SAMD4B: variants seen among roughly 807,000 people sequenced by gnomAD.
SAMD4B encodes protein Smaug homolog 2.
Under a neutral mutation model 74.5 loss-of-function variants are expected in SAMD4B, and 5 were observed. The ratio of observed to expected loss-of-function variants is 0.07; its 90% CI spans 0.04 to 0.14. The LOEUF (loss-of-function observed/expected upper bound fraction) is 0.14. SAMD4B is among the 10% of genes least tolerant of loss of function. SAMD4B has a pLI of 1.00. For missense variants in SAMD4B, 608 were observed against 921.8 expected (o/e 0.66, Z 4.41); for synonymous variants, 373 against 374.9 (o/e 1.00, Z 0.06).
At chr19:39,366,301 G>T (rs1294952513) in intron 3 of SAMD4B, among the ~76,000 whole-genome samples, 3 of 151,956 alleles carry the variant, frequency 2.0e-5, no homozygotes, top group Non-Finnish European at 4.4e-5. Context: ...GGGCAACAAA[G>T]TGAGACTCCA....
At chr19:39,365,305 G>T (rs1367818590) in intron 3 of SAMD4B, among the ~76,000 whole-genome samples, 1 of 151,126 alleles carries the variant, frequency 6.6e-6, no homozygotes, top group Non-Finnish European at 1.5e-5. Flanking sequence ...TGCAATCCCA[G>T]CACTTTGGGA....
intron 12 of SAMD4B, 194 bp downstream of exon 12, chr19:39,381,307 T>C (rs763467788): frequency 2.2e-5 from 13 of 600,090 alleles, no homozygotes; most frequent in Non-Finnish European, 3.6e-5. Flanking sequence ...ATCTCTCAGG[T>C]CTTGCCCCCA....
chr19:39,362,746 G>A (rs538457012), intron 3 of SAMD4B, among the ~76,000 whole-genome samples: 1 of 152,196 alleles, frequency 6.6e-6, no homozygotes, highest in South Asian at 2.1e-4. Flanking sequence ...TCCCTCCACT[G>A]TCCTGTAGCT....
chr19:39,353,154 G>A (rs2076148161), intron 1 of SAMD4B, among the ~76,000 whole-genome samples: 1 of 152,142 alleles, frequency 6.6e-6, no homozygotes, highest in South Asian at 2.1e-4. Flanking sequence ...TGCTGGAGCT[G>A]GGAAGGAAAA....
downstream of SAMD4B, chr19:39,389,758 G>A (rs2078332585): frequency 1.2e-6 from 2 of 1,614,092 alleles, no homozygotes; most frequent in Non-Finnish European, 1.7e-6. This position sits in a 1 kb window ranked among gnomAD's most constrained non-coding sequence, Gnocchi z 5.3. Context: ...TGTACTGGAC[G>A]AACCTGGGTG....
intron 9 of SAMD4B, among the ~76,000 whole-genome samples, chr19:39,379,637 C>T (rs1231160344): frequency 6.6e-6 from 1 of 152,292 alleles, no homozygotes; most frequent in African/African-American, 2.4e-5. Context: ...ATGGCGCAGT[C>T]TCGGCTCACT....
intron 1 of SAMD4B, among the ~76,000 whole-genome samples, chr19:39,348,840 A>C (rs1358923544): frequency 6.6e-6 from 1 of 152,170 alleles, no homozygotes; most frequent in Non-Finnish European, 1.5e-5. Context: ...AAGCAGATAT[A>C]TTTTGGGTGT....
At chr19:39,376,283 G>A (rs149525860) in intron 5 of SAMD4B, among the ~76,000 whole-genome samples, 154 bp from the exon 6 acceptor site, 1 of 152,312 alleles carries the variant, frequency 6.6e-6, no homozygotes, top group African/African-American at 2.4e-5. Context: ...CTAGGCAGAT[G>A]AAGAAGGAGC....
At chr19:39,353,063 A>G (rs772550582) in intron 1 of SAMD4B, among the ~76,000 whole-genome samples, 10 of 152,156 alleles carry the variant, frequency 6.6e-5, no homozygotes, top group Middle Eastern at 3.2e-3. Context: ...AGCCAGTTCC[A>G]TTCTTGGACA....
chr19:39,385,742 C>T, downstream of SAMD4B: 1 of 580,880 alleles, frequency 1.7e-6, no homozygotes, highest in Non-Finnish European at 3.0e-6. Flanking sequence ...AAACCATTGG[C>T]CCTGCCTCTG....
At chr19:39,348,961 T>G (rs192813042) in intron 1 of SAMD4B, among the ~76,000 whole-genome samples, 1 of 152,332 alleles carries the variant, frequency 6.6e-6, no homozygotes, top group African/African-American at 2.4e-5. Flanking sequence ...ACTATTATTA[T>G]TTTCTGTCTT....
chr19:39,385,520 A>G lies in SAMD4B; in HGVS notation c.*1993A>G. On this transcript the variant is annotated 3_prime_UTR_variant, in exon 14 of 14. Transcript: ENST00000610417. ...CCTCTCCCGCTCCAGCCCCCTCCCC[A>G]GGCCCTCCTCCATGATTTCACCCTC... is the stretch of plus-strand genomic sequence containing the variant. 2.2e-6 allele frequency: 1 copy of G among 457,492 alleles called. No individual in the cohort carries two copies. The highest frequency in any genetic ancestry group is 3.3e-5 in the East Asian group (1 of 30,660). The allele number at this position is 457,492 out of a possible 1,614,324, so 28.3% of individuals were successfully genotyped here.
intron 3 of SAMD4B, among the ~76,000 whole-genome samples, chr19:39,365,089 A>T (rs1251220447): frequency 1.3e-5 from 2 of 151,774 alleles, no homozygotes; most frequent in African/African-American, 2.4e-5. Context: ...AATACAAAAA[A>T]AAATAAATTA....
intron 1 of SAMD4B, among the ~76,000 whole-genome samples, chr19:39,345,548 A>G (rs568345006): frequency 6.6e-6 from 1 of 152,230 alleles, no homozygotes; most frequent in Admixed American, 6.5e-5. Context: ...CACCCTCAGG[A>G]GGTCTTTTCA....
downstream of SAMD4B, chr19:39,385,869 T>C (rs1419015064): frequency 2.1e-6 from 3 of 1,428,338 alleles, no homozygotes; most frequent in African/African-American, 4.3e-5. Context: ...AAGTTGACTT[T>C]ATTAACAGCA....
downstream of SAMD4B, chr19:39,390,235 C>G (rs368373228): frequency 6.2e-7 from 1 of 1,613,842 alleles, no homozygotes; most frequent in East Asian, 2.2e-5. Flanking sequence ...CCCCACCGCT[C>G]CTGGGAAAGC....
chr19:39,360,287 A>T (rs1415138828), intron 3 of SAMD4B: 1 of 152,202 alleles, frequency 6.6e-6, no homozygotes, highest in African/African-American at 2.4e-5. Flanking sequence ...GCCCGTTCCC[A>T]GATGGTTTGC....
intron 3 of SAMD4B, among the ~76,000 whole-genome samples, chr19:39,366,869 C>T (rs1021784620): frequency 2.0e-5 from 3 of 152,030 alleles, no homozygotes; most frequent in African/African-American, 7.2e-5. Flanking sequence ...CAAGACTTTC[C>T]TTATAGGTGC....
chr19:39,380,886 G>T, intron 11 of SAMD4B, 101 bp downstream of exon 11: 1 of 1,515,826 alleles, frequency 6.6e-7, no homozygotes. Context: ...CCAGCTTAGA[G>T]GTGGCGGGGG....
Sources: gnomAD v4.1 joint callset for allele counts (sites outside exome capture counted in the v4.1 genomes callset) on GRCh38, gnomAD v4.1.1 for gene constraint, Gnocchi (gnomAD v3.1) non-coding constraint, MANE v1.5 for transcripts, NCBI Gene and HGNC (gene_info 2026-07-23, HGNC 2026-07-21) for gene names.